Variants in AGAP1 observed in about 807,000 individuals in gnomAD.
The protein encoded by AGAP1 is arf-GAP with GTPase, ANK repeat and PH domain-containing protein 1.
AGAP1 carries 29 observed loss-of-function variants against 105.3 expected under a neutral mutation model. That is an observed-to-expected ratio of 0.28 (90% CI 0.21 to 0.38). AGAP1 has a LOEUF of 0.38. AGAP1 is among the 10% of genes least tolerant of loss of function. The pLI, the probability that AGAP1 is intolerant of heterozygous loss-of-function variation, is 1.00. For synonymous variants in AGAP1, 509 were observed against 485.9 expected (o/e 1.05, Z -0.63); for missense variants, 998 against 1,165.1 (o/e 0.86, Z 2.09).
chr2:235,572,246 T>G (rs1441376633), intron 1 of AGAP1, among the ~76,000 whole-genome samples: 2 of 151,934 alleles, frequency 1.3e-5, no homozygotes, highest in Non-Finnish European at 2.9e-5. Context: ...CAGCTGACTC[T>G]TGACCCCCGC....
chr2:235,504,893 C>G (rs938012416), intron 1 of AGAP1, among the ~76,000 whole-genome samples: 22 of 152,112 alleles, frequency 1.4e-4, no homozygotes, highest in African/African-American at 5.3e-4. Flanking sequence ...CTATTAATTC[C>G]TTGTTAGTTG....
Position 235,495,085 on chromosome 2 carries a change from A to G in AGAP1, c.163+236A>G, listed in dbSNP as rs77279339. 4.6e-5 allele frequency among the ~76,000 whole-genome samples: 7 copies of G among 152,232 alleles called. No homozygotes were observed. In the East Asian group the frequency reaches 1.4e-3, roughly 30 times the overall value. ...CGTCAGCGTTAATTTGATCGTGGACAATAGAGTCTCTCCTGCGGGAAAGTG... is the reference window on the plus strand; with the variant it reads ...CGTCAGCGTTAATTTGATCGTGGACGATAGAGTCTCTCCTGCGGGAAAGTG... On this transcript the variant is annotated intron_variant, in intron 1 of 17. Coordinates refer to ENST00000304032, the MANE Select transcript of AGAP1 (RefSeq NM_001037131.3).
chr2:235,672,255 C>T (rs142241875), intron 1 of AGAP1, among the ~76,000 whole-genome samples: 10 of 151,108 alleles, frequency 6.6e-5, no homozygotes, highest in African/African-American at 2.2e-4. Context: ...AAATAAATGA[C>T]TGTCCTTATG....
chr2:235,814,870 C>A (rs1386830600), intron 9 of AGAP1, among the ~76,000 whole-genome samples: 1 of 152,102 alleles, frequency 6.6e-6, no homozygotes, highest in Non-Finnish European at 1.5e-5. Context: ...GGCTGCTCTG[C>A]AGAGAAGGGT....
intron 1 of AGAP1, among the ~76,000 whole-genome samples, chr2:235,592,767 G>T (rs1468416228): frequency 6.6e-6 from 1 of 152,158 alleles, no homozygotes; most frequent in Non-Finnish European, 1.5e-5. Context: ...GCTTGGGGAC[G>T]TGATGGCTAA....
chr2:235,640,336 A>G (rs1241112881), intron 1 of AGAP1, among the ~76,000 whole-genome samples: 1 of 152,396 alleles, frequency 6.6e-6, no homozygotes, highest in East Asian at 1.9e-4. Flanking sequence ...GCCTCAGGCC[A>G]GGAGAAAAGG....
rs1196819410 is a variant in AGAP1 at position 235,701,275 on chromosome 2, T to TA, written c.164-7903dup. 2.0e-5 allele frequency among the ~76,000 whole-genome samples: 3 copies of TA among 152,024 alleles called. No homozygotes were observed. Among genetic ancestry groups the TA allele is most frequent in the African/African-American group, 2.4e-5 (1 of 41,370 alleles). ...GCAAACTTTTGCCTTGGGATTTCCT[T>TA]AGAGGAGAAGAGAGAGGACCCAGTC... On this transcript the variant is annotated intron_variant, in intron 1 of 17. Transcript: ENST00000304032. This position sits in a 1 kb window ranked among gnomAD's most constrained non-coding sequence, Gnocchi z 4.1.
At chr2:235,819,407 G>A (rs865967612) in intron 9 of AGAP1, among the ~76,000 whole-genome samples, 1 of 152,132 alleles carries the variant, frequency 6.6e-6, no homozygotes, top group South Asian at 2.1e-4. Flanking sequence ...GAGCCACTGC[G>A]CCTGGCAGGA....
At position 235,883,210 on chromosome 2, in the gene AGAP1, CTT is replaced by C. The variant is rs1222880409; in HGVS notation, c.1051-132_1051-131del. ...CGTATTTGTTGAACTAATGGCATAT[CTT>C]TTAGCATTCGCCAGTATCACAGAGT... On this transcript the variant is annotated intron_variant, in intron 9 of 17. Transcript: ENST00000304032. This position sits in a 1 kb window ranked among gnomAD's most constrained non-coding sequence, Gnocchi z 4.5. The C allele has an allele frequency of 1.2e-5, 8 of 677,046 alleles. No individual in the cohort carries two copies. The highest frequency in any genetic ancestry group is 1.8e-5 in the Non-Finnish European group (7 of 389,244). 41.9% of individuals were successfully genotyped at this position (677,046 alleles called of 1,614,324 possible).
intron 16 of AGAP1, among the ~76,000 whole-genome samples, chr2:236,066,925 A>G (rs1289816445): frequency 6.6e-6 from 1 of 152,200 alleles, no homozygotes; most frequent in East Asian, 1.9e-4. Context: ...GTGCCTGGCT[A>G]CTATCACTCA....
At chr2:235,539,676 G>C (rs538232790) in intron 1 of AGAP1, among the ~76,000 whole-genome samples, 11 of 152,236 alleles carry the variant, frequency 7.2e-5, no homozygotes, top group Non-Finnish European at 1.3e-4. Flanking sequence ...CTGGAATCTA[G>C]ATCAACTCAC....
chr2:236,102,594 AAAAAAAAGAAAG>A (rs1175052279), intron 16 of AGAP1, among the ~76,000 whole-genome samples: 1 of 151,696 alleles, frequency 6.6e-6, no homozygotes, highest in African/African-American at 2.4e-5. Flanking sequence ...TTAAAAAAAA[AAAAAAAAGAAAG>A]AAAGAAAGAA....
chr2:235,683,420 T>C lies in AGAP1; in HGVS notation c.164-25759T>C, dbSNP rs1246336366. Reference sequence around the variant, plus strand: ...TACTTGCCTCCCTCATATACACATATTGATATAATGCCATCTACATTTGTA... The same window carrying C: ...TACTTGCCTCCCTCATATACACATACTGATATAATGCCATCTACATTTGTA... On this transcript the variant is annotated intron_variant, in intron 1 of 17. Coordinates refer to ENST00000304032, the MANE Select transcript of AGAP1 (RefSeq NM_001037131.3). Among the ~76,000 whole-genome samples the C allele has an allele frequency of 3.3e-5, 5 of 151,932 alleles. No individual in the cohort carries two copies. In the East Asian group the frequency reaches 7.7e-4, roughly 24 times the overall value.
At chr2:235,576,888 C>T (rs1044208454) in intron 1 of AGAP1, among the ~76,000 whole-genome samples, 1 of 152,236 alleles carries the variant, frequency 6.6e-6, no homozygotes, top group Non-Finnish European at 1.5e-5. Flanking sequence ...CTAATGGCCT[C>T]TCCATTGCTC....
At position 235,599,743 on chromosome 2, in the gene AGAP1, G is replaced by T. The variant is rs950836033; in HGVS notation, c.163+104894G>T. Among the ~76,000 whole-genome samples, 1 of 152,062 alleles carries T rather than the reference G, an allele frequency of 6.6e-6. No individual in the cohort carries two copies. The highest frequency in any genetic ancestry group is 1.5e-5 in the Non-Finnish European group (1 of 68,008). ...GGGTCCCACGTGATTCTACCTGATC[G>T]CTGGCTCTCTAGGGCTTTTCCCCTC... On this transcript the variant is annotated intron_variant, in intron 1 of 17. Coordinates refer to ENST00000304032, the MANE Select transcript of AGAP1 (RefSeq NM_001037131.3). This position sits in a 1 kb window ranked among gnomAD's most constrained non-coding sequence, Gnocchi z 5.3.
intron 8 of AGAP1, among the ~76,000 whole-genome samples, chr2:235,804,826 T>C (rs977341688): frequency 1.3e-5 from 2 of 152,172 alleles, no homozygotes; most frequent in Admixed American, 6.5e-5. Context: ...TTTCTGGCAG[T>C]GTGCAGCAGG....
chr2:235,943,965 A>G (rs559416525), intron 12 of AGAP1, among the ~76,000 whole-genome samples: 87 of 152,366 alleles, frequency 5.7e-4, no homozygotes, highest in African/African-American at 2.0e-3. Flanking sequence ...TTAATTATAC[A>G]ATGATACTAA....
intron 13 of AGAP1, among the ~76,000 whole-genome samples, chr2:235,980,703 C>G (rs1338152296): frequency 6.6e-6 from 1 of 152,184 alleles, no homozygotes; most frequent in Non-Finnish European, 1.5e-5. Flanking sequence ...GGAAAATAGG[C>G]AGAGAATTCT....
In AGAP1 at chr2:235,665,068, T is replaced by G. The variant is rs1286999102; in HGVS notation, c.164-44111T>G. Among the ~76,000 whole-genome samples, 1 of 151,996 alleles carries G rather than the reference T, an allele frequency of 6.6e-6. No individual in the cohort carries two copies. The highest frequency in any genetic ancestry group is 2.4e-5 in the African/African-American group (1 of 41,396). On this transcript the variant is annotated intron_variant, in intron 1 of 17. Coordinates refer to ENST00000304032, the MANE Select transcript of AGAP1 (RefSeq NM_001037131.3). The surrounding 1 kb of genome is among the most constrained non-coding windows in gnomAD (Gnocchi z 5.3). Reference sequence around the variant, plus strand: ...AGACCCTCCTCTCTACAAAAAAATTTAAAAATTAGCCAGGGGTGGTGACAT... The same window carrying G: ...AGACCCTCCTCTCTACAAAAAAATTGAAAAATTAGCCAGGGGTGGTGACAT...
Sources: allele counts gnomAD v4.1 joint callset (sites outside exome capture counted in the v4.1 genomes callset), GRCh38; gene constraint gnomAD v4.1.1; non-coding constraint Gnocchi (gnomAD v3.1); transcripts MANE v1.5; gene names NCBI Gene and HGNC (gene_info 2026-07-23, HGNC 2026-07-21).